Variants in MAGI1 observed in about 807,000 individuals in gnomAD.
MAGI1 encodes membrane associated guanylate kinase, WW and PDZ domain containing 1.
Under a neutral mutation model 139.9 loss-of-function variants are expected in MAGI1, and 58 were observed. The observed-to-expected ratio is 0.41, with a 90% CI of 0.34 to 0.52. The LOEUF is 0.52. Among genes scored for constraint, MAGI1 ranks in the 20% least tolerant of loss-of-function variants. The pLI, the probability that MAGI1 is intolerant of heterozygous loss-of-function variation, is 0.12. For synonymous variants in MAGI1, 812 were observed against 737.9 expected, an observed-to-expected ratio of 1.10 and a Z score of -1.63; for missense variants, 1,874 against 1,901.6, an observed-to-expected ratio of 0.99 and a Z score of 0.27.
At chr3:65,608,260 G>T (rs965615377) in intron 2 of MAGI1, among the ~76,000 whole-genome samples, 6 of 152,100 alleles carry the variant, frequency 3.9e-5, no homozygotes, top group Admixed American at 6.6e-5. Flanking sequence ...TGGCTAACAT[G>T]GTGAAACCCA....
chr3:65,735,312 C>A (rs1221149074), intron 1 of MAGI1, among the ~76,000 whole-genome samples: 2 of 151,514 alleles, frequency 1.3e-5, no homozygotes, highest in African/African-American at 4.9e-5. Context: ...GGGGGGTTCT[C>A]ATTTTAAAAG....
At chr3:65,610,821 G>GTATATA (rs1277508314) in intron 2 of MAGI1, among the ~76,000 whole-genome samples, 10 of 132,982 alleles carry the variant, frequency 7.5e-5, no homozygotes, top group Non-Finnish European at 1.4e-4. Context: ...ATAGTATATA[G>GTATATA]TATATATACA....
At chr3:65,450,578 G>A (rs958474864) in intron 6 of MAGI1, among the ~76,000 whole-genome samples, 1 of 152,072 alleles carries the variant, frequency 6.6e-6, no homozygotes, top group Non-Finnish European at 1.5e-5. Context: ...GTTTTAATAC[G>A]ACTAAGTCGA....
chr3:65,885,527 T>C (rs1008518960), intron 1 of MAGI1, among the ~76,000 whole-genome samples: 2 of 152,194 alleles, frequency 1.3e-5, no homozygotes, highest in African/African-American at 4.8e-5. Flanking sequence ...ACATCTGGAA[T>C]TGTAGCTTCC....
chr3:65,936,722 G>T (rs1215791259), intron 1 of MAGI1, among the ~76,000 whole-genome samples: 2 of 152,110 alleles, frequency 1.3e-5, no homozygotes, highest in Non-Finnish European at 2.9e-5. Context: ...CTCGTGCGGG[G>T]TGTGTGTGTA....
intron 1 of MAGI1, among the ~76,000 whole-genome samples, chr3:65,732,466 CAAA>C (rs1559829862): frequency 2.0e-5 from 3 of 151,618 alleles, no homozygotes; most frequent in Non-Finnish European, 1.5e-5. Flanking sequence ...TGAATCATTT[CAAA>C]CCACCAGCAT....
chr3:65,687,617 C>T, intron 1 of MAGI1: 1 of 415,958 alleles, frequency 2.4e-6, no homozygotes, highest in South Asian at 1.9e-5. Flanking sequence ...TAGGTGGGAT[C>T]CTATAAAAAG....
At chr3:65,791,410 G>C (rs951876977) in intron 1 of MAGI1, among the ~76,000 whole-genome samples, 3 of 152,270 alleles carry the variant, frequency 2.0e-5, no homozygotes, top group East Asian at 3.9e-4. Context: ...CTGATACCAC[G>C]ATAGACATTC....
At chr3:65,893,276 G>GAA (rs34015645) in intron 1 of MAGI1, among the ~76,000 whole-genome samples, 1 of 146,070 alleles carries the variant, frequency 6.8e-6, no homozygotes, top group African/African-American at 2.5e-5. Context: ...TACAACCTCA[G>GAA]AAAAAAAAAT....
At chr3:65,617,824 C>A (rs950142168) in intron 2 of MAGI1, among the ~76,000 whole-genome samples, 1 of 152,096 alleles carries the variant, frequency 6.6e-6, no homozygotes, top group South Asian at 2.1e-4. Flanking sequence ...TTTGTTCATG[C>A]GTTCAACAAA....
chr3:66,032,275 G>A (rs571307686), intron 1 of MAGI1, among the ~76,000 whole-genome samples: 6 of 151,574 alleles, frequency 4.0e-5, no homozygotes, highest in East Asian at 2.0e-4. Context: ...GCAGTGGCGC[G>A]ATCTCAGCTC....
intron 1 of MAGI1, among the ~76,000 whole-genome samples, chr3:66,017,654 G>A (rs541780573): frequency 2.6e-5 from 4 of 152,294 alleles, no homozygotes; most frequent in Non-Finnish European, 4.4e-5. Flanking sequence ...TTCACAGCAC[G>A]TGCTAAGGAT....
At chr3:65,379,171 C>T (rs776997294) in intron 17 of MAGI1, 90 bp downstream of exon 17, 4 of 1,590,954 alleles carry the variant, frequency 2.5e-6, no homozygotes, top group Admixed American at 1.7e-5. Flanking sequence ...CATTTCTGCA[C>T]GTGAGGTCTG....
chr3:65,763,915 T>TA (rs1431121101), intron 1 of MAGI1, among the ~76,000 whole-genome samples: 2 of 150,776 alleles, frequency 1.3e-5, no homozygotes, highest in Non-Finnish European at 3.0e-5. Context: ...TACAAATAAA[T>TA]AAAAAAATTA....
At chr3:65,862,989 C>T (rs753012943) in intron 1 of MAGI1, among the ~76,000 whole-genome samples, 6 of 152,154 alleles carry the variant, frequency 3.9e-5, no homozygotes, top group Non-Finnish European at 8.8e-5. Flanking sequence ...CAAGGTCTCC[C>T]CTAATCCAGG....
intron 1 of MAGI1, among the ~76,000 whole-genome samples, chr3:65,856,001 A>G (rs2059367220): frequency 6.6e-6 from 1 of 152,140 alleles, no homozygotes; most frequent in African/African-American, 2.4e-5. Flanking sequence ...ACTGACCAGC[A>G]GAATTTTCTT....
chr3:65,641,107 TA>T lies in MAGI1; in HGVS notation c.314-19020del, dbSNP rs544069050. Among the ~76,000 whole-genome samples, 875 of 144,544 alleles carry T rather than the reference TA, an allele frequency of 6.1e-3. 7 individuals carry two copies. The highest frequency in any genetic ancestry group is 0.015 in the African/African-American group (615 of 39,904). 94.8% of individuals were successfully genotyped at this position (144,544 alleles called of 152,430 possible). Reference sequence around the variant, plus strand: ...TTTTTGCTTTCTAATAAGCCTATATTAAAAAAAAAAAAGTAGGTGATGGTGA... The same window carrying T: ...TTTTTGCTTTCTAATAAGCCTATATTAAAAAAAAAAAGTAGGTGATGGTGA... On this transcript the variant is annotated intron_variant, in intron 1 of 22. Coordinates refer to ENST00000402939, the MANE Select transcript of MAGI1 (RefSeq NM_001033057.2).
At chr3:65,966,787 T>C (rs2064768479) in intron 1 of MAGI1, among the ~76,000 whole-genome samples, 1 of 152,212 alleles carries the variant, frequency 6.6e-6, no homozygotes, top group South Asian at 2.1e-4. Flanking sequence ...GTACATAAAA[T>C]GTCTGGCACA....
Position 65,815,080 on chromosome 3 carries a change from G to C in MAGI1, c.314-192992C>G, listed in dbSNP as rs550273131. Among the ~76,000 whole-genome samples, 580 of 152,262 alleles carry C rather than the reference G, an allele frequency of 3.8e-3. 2 individuals are homozygous for C. Among genetic ancestry groups the C allele is most frequent in the Non-Finnish European group, 6.1e-3 (416 of 68,008 alleles). On this transcript the variant is annotated intron_variant, in intron 1 of 22. Coordinates refer to ENST00000402939, the MANE Select transcript of MAGI1 (RefSeq NM_001033057.2). Reference sequence around the variant, plus strand: ...AGTTCCCCACCAGTTGCTGCCATGAGAGCCCCTTCTCTAGAGGGAGGCGGC... The same window carrying C: ...AGTTCCCCACCAGTTGCTGCCATGACAGCCCCTTCTCTAGAGGGAGGCGGC...
Sources: gnomAD v4.1 joint callset for allele counts (sites outside exome capture counted in the v4.1 genomes callset) on GRCh38, gnomAD v4.1.1 for gene constraint, MANE v1.5 for transcripts, NCBI Gene and HGNC (gene_info 2026-07-23, HGNC 2026-07-21) for gene names.